The following CEP70 variants were observed in gnomAD, a reference collection of about 807,000 sequenced individuals.
CEP70 encodes the protein centrosomal protein 70, also known as centrosomal protein of 70 kDa.
In CEP70, 70 loss-of-function variants were observed where a neutral mutation model predicts 90.9. The observed-to-expected ratio is 0.77, with a 90% confidence interval of 0.64 to 0.94. The LOEUF (loss-of-function observed/expected upper bound fraction) is 0.94, where lower values mean the gene tolerates loss of function less well. Among genes scored for constraint, CEP70 ranks in the 40% least tolerant of loss-of-function variants. The probability of loss-of-function intolerance (pLI) is 0.00; values close to 1 mark genes in which losing one functional copy is unlikely to be tolerated. For synonymous variants in CEP70, 220 were observed against 228.3 expected (o/e 0.96, Z 0.33); for missense variants, 648 against 669.0 (o/e 0.97, Z 0.35).
At chr3:138,524,642 A>G (rs1171475069) in intron 11 of CEP70, among the ~76,000 whole-genome samples, 16 of 152,252 alleles carry the variant, frequency 1.1e-4, no homozygotes, top group African/African-American at 3.9e-4. Flanking sequence ...ACATTTATGC[A>G]GCCAAAAGAC....
intron 6 of CEP70, 138 bp from the exon 7 acceptor site, chr3:138,537,485 T>A: frequency 2.0e-6 from 1 of 502,458 alleles, no homozygotes; most frequent in Non-Finnish European, 3.4e-6. Flanking sequence ...AGGCTGTTTT[T>A]AAATGAGTAT....
At chr3:138,542,599 AG>A (rs2038862491) in intron 6 of CEP70, among the ~76,000 whole-genome samples, 2 of 152,272 alleles carry the variant, frequency 1.3e-5, no homozygotes, top group African/African-American at 2.4e-5. Flanking sequence ...ACCAGGTGCC[AG>A]TGGAGGGTGG....
intron 8 of CEP70, chr3:138,530,713 C>T (rs2107763282): frequency 1.0e-6 from 1 of 985,362 alleles, no homozygotes; most frequent in South Asian, 4.7e-5. Flanking sequence ...CTTCCCCCGT[C>T]TTCTCTTTCA....
At chr3:138,563,869 A>G (rs2040589697) in intron 6 of CEP70, among the ~76,000 whole-genome samples, 1 of 152,198 alleles carries the variant, frequency 6.6e-6, no homozygotes, top group South Asian at 2.1e-4. Context: ...AAGGAGCTAG[A>G]GACACAAAAA....
chr3:138,518,203 G>C (rs559975655), intron 11 of CEP70, among the ~76,000 whole-genome samples: 1 of 152,348 alleles, frequency 6.6e-6, no homozygotes, highest in African/African-American at 2.4e-5. Flanking sequence ...ACTGGGTGGA[G>C]CCCACCGCAG....
chr3:138,543,369 G>A lies in CEP70; in HGVS notation c.466-6022C>T, dbSNP rs557733850. On this transcript the variant is annotated intron_variant, in intron 6 of 17. Transcript: ENST00000264982. ...GGGGCTGGCATGTCAGCACTGCCCCGAGTGTACACACACCTGACTGGGTCA... is the reference window on the plus strand; with the variant it reads ...GGGGCTGGCATGTCAGCACTGCCCCAAGTGTACACACACCTGACTGGGTCA... 7.2e-4 allele frequency among the ~76,000 whole-genome samples: 110 copies of A among 152,282 alleles called. 1 individual carries two copies. Among genetic ancestry groups the A allele is most frequent in the Admixed American group, 2.7e-3 (42 of 15,298 alleles).
chr3:138,554,735 T>C (rs1293047904), intron 6 of CEP70, among the ~76,000 whole-genome samples: 1 of 152,184 alleles, frequency 6.6e-6, no homozygotes, highest in East Asian at 1.9e-4. Flanking sequence ...TAAAATAAAG[T>C]ACTTAAGAAT....
rs113264564 is a variant in CEP70 at position 138,500,725 on chromosome 3, T to G, written c.1368+10A>C. On this transcript the variant is annotated intron_variant, in intron 14 of 17. Coordinates refer to ENST00000264982, the MANE Select transcript of CEP70 (RefSeq NM_024491.4). Reference sequence around the variant, plus strand: ...AAACATTAGAAGGTGACCGTTCATGTAGGTATTACCTTTTCCTTATTTTCA... The same window carrying G: ...AAACATTAGAAGGTGACCGTTCATGGAGGTATTACCTTTTCCTTATTTTCA... The G allele has an allele frequency of 1.0e-4, 157 of 1,577,866 alleles. 3 individuals carry two copies. The African/African-American group carries it at 1.5e-3, about 15-fold the overall frequency.
chr3:138,549,690 G>C (rs573402555), intron 6 of CEP70, among the ~76,000 whole-genome samples: 1 of 152,224 alleles, frequency 6.6e-6, no homozygotes, highest in Admixed American at 6.5e-5. Flanking sequence ...CCTACTGCCT[G>C]ATCCCCGTTA....
intron 2 of CEP70, among the ~76,000 whole-genome samples, chr3:138,586,896 A>G (rs2042129153): frequency 6.6e-6 from 1 of 152,202 alleles, no homozygotes; most frequent in Non-Finnish European, 1.5e-5. Context: ...TTACCCTGAT[A>G]TGATTATTAT....
intron 11 of CEP70, among the ~76,000 whole-genome samples, chr3:138,515,467 C>CAAAAAAAAAAAAAAAAAA (rs145902706): frequency 3.1e-5 from 2 of 65,392 alleles, no homozygotes; most frequent in Non-Finnish European, 2.8e-5. Context: ...CATAGAAATG[C>CAAAAAAAAAAAAAAAAAA]AAAAAAAAAA....
At chr3:138,558,663 T>C (rs961968231) in intron 6 of CEP70, among the ~76,000 whole-genome samples, 1 of 152,110 alleles carries the variant, frequency 6.6e-6, no homozygotes, top group African/African-American at 2.4e-5. Context: ...TAAAGCTGGA[T>C]TAAGATGATC....
intron 6 of CEP70, among the ~76,000 whole-genome samples, chr3:138,552,334 TA>T (rs1340492501): frequency 9.9e-5 from 15 of 152,156 alleles, no homozygotes; most frequent in African/African-American, 3.4e-4. Flanking sequence ...ACTTAACAGA[TA>T]TTTACAACAC....
chr3:138,522,636 A>C (rs559472246), intron 11 of CEP70, among the ~76,000 whole-genome samples: 19 of 152,212 alleles, frequency 1.2e-4, no homozygotes, highest in Non-Finnish European at 2.5e-4. Flanking sequence ...GAAATGGATA[A>C]ATTCCTCAAC....
At chr3:138,582,407 G>A (rs780823316) in intron 2 of CEP70, among the ~76,000 whole-genome samples, 1 of 152,002 alleles carries the variant, frequency 6.6e-6, no homozygotes, top group Non-Finnish European at 1.5e-5. Flanking sequence ...GGGAGGTGGA[G>A]GCTGCAGTGA....
At chr3:138,584,959 T>C (rs1370651264) in intron 2 of CEP70, among the ~76,000 whole-genome samples, 1 of 151,434 alleles carries the variant, frequency 6.6e-6, no homozygotes, top group African/African-American at 2.4e-5. Flanking sequence ...AAGATTCAAA[T>C]AAAATCAGAG....
chr3:138,588,705 A>G (rs1008859789), intron 2 of CEP70, among the ~76,000 whole-genome samples: 1 of 152,256 alleles, frequency 6.6e-6, no homozygotes, highest in Non-Finnish European at 1.5e-5. Context: ...AGCACTTACC[A>G]TAAGACCCAG....
intron 7 of CEP70, among the ~76,000 whole-genome samples, chr3:138,535,816 TTC>T (rs1470385479): frequency 6.6e-6 from 1 of 152,106 alleles, no homozygotes; most frequent in Non-Finnish European, 1.5e-5. Context: ...CCCACTGTAG[TTC>T]TCTCTCCCTC....
At chr3:138,571,969 G>A (rs1322931578) in intron 3 of CEP70, among the ~76,000 whole-genome samples, 5 of 152,068 alleles carry the variant, frequency 3.3e-5, no homozygotes, top group African/African-American at 4.8e-5. Flanking sequence ...TAGTAGAGAT[G>A]GGGTTTCACC....
Sources: gnomAD v4.1 joint callset for allele counts (sites outside exome capture counted in the v4.1 genomes callset) on GRCh38, gnomAD v4.1.1 for gene constraint, MANE v1.5 for transcripts, NCBI Gene and HGNC (gene_info 2026-07-23, HGNC 2026-07-21) for gene names.